The following CALN1 variants were observed in gnomAD, a reference collection of about 807,000 sequenced individuals.
CALN1 encodes calcium-binding protein 8.
In CALN1, 17 loss-of-function variants were observed where a neutral mutation model predicts 30.6. The observed-to-expected ratio is 0.56, with a 90% CI of 0.38 to 0.83. The LOEUF (loss-of-function observed/expected upper bound fraction) is 0.83. Among genes scored for constraint, CALN1 ranks in the 40% least tolerant of loss-of-function variants. CALN1 has a pLI of 0.00. For synonymous variants in CALN1, 156 were observed against 131.4 expected (o/e 1.19, Z -1.28); for missense variants, 291 against 354.9 (o/e 0.82, Z 1.45).
At chr7:72,312,468 C>T (rs1585446005) in intron 2 of CALN1, among the ~76,000 whole-genome samples, 1 of 151,210 alleles carries the variant, frequency 6.6e-6, no homozygotes, top group African/African-American at 2.4e-5. Context: ...CCATGTTATA[C>T]CTATAAGCCA....
intron 2 of CALN1, among the ~76,000 whole-genome samples, chr7:72,280,455 G>A (rs1797661082): frequency 6.6e-6 from 1 of 152,214 alleles, no homozygotes. Context: ...AGTTACAAGT[G>A]AGATGTTTCC....
chr7:71,806,666 T>A (rs68186935), intron 6 of CALN1, among the ~76,000 whole-genome samples: 27,584 of 152,134 alleles, frequency 0.18, 2,657 homozygotes, highest in Middle Eastern at 0.27. Flanking sequence ...CCCTTTGAGA[T>A]ATTCTTTAGG....
At chr7:72,159,796 TA>T (rs1201168661) in intron 3 of CALN1, among the ~76,000 whole-genome samples, 2 of 152,088 alleles carry the variant, frequency 1.3e-5, no homozygotes, top group African/African-American at 4.8e-5. Flanking sequence ...AGACTTCATT[TA>T]AAAAATAATA....
intron 4 of CALN1, among the ~76,000 whole-genome samples, chr7:72,051,795 A>G (rs1265417206): frequency 6.6e-6 from 1 of 152,196 alleles, no homozygotes; most frequent in Non-Finnish European, 1.5e-5. Flanking sequence ...AGACACAATA[A>G]AAAGTGTGGT....
intron 4 of CALN1, among the ~76,000 whole-genome samples, chr7:72,029,018 G>C (rs1448149578): frequency 6.6e-6 from 1 of 152,170 alleles, no homozygotes; most frequent in African/African-American, 2.4e-5. Flanking sequence ...TAGACAGACA[G>C]ATATAGCTAT....
intron 6 of CALN1, among the ~76,000 whole-genome samples, chr7:71,793,519 T>C (rs979221247): frequency 3.7e-4 from 56 of 152,184 alleles, no homozygotes; most frequent in African/African-American, 1.3e-3. Context: ...TGTGTGACTT[T>C]GAGCAAGCAA....
intron 3 of CALN1, among the ~76,000 whole-genome samples, chr7:72,268,198 T>C (rs902648764): frequency 1.3e-5 from 2 of 152,028 alleles, no homozygotes; most frequent in African/African-American, 4.8e-5. Context: ...AAAAGTTGAA[T>C]GAATAGGTAG....
At chr7:72,132,126 TC>T (rs1809192321) in intron 3 of CALN1, among the ~76,000 whole-genome samples, 1 of 152,182 alleles carries the variant, frequency 6.6e-6, no homozygotes, top group East Asian at 1.9e-4. Flanking sequence ...AGATGCCCCC[TC>T]AACTTAGGAT....
At position 72,016,369 on chromosome 7, in the gene CALN1, C is replaced by T. The variant is rs1054860555; in HGVS notation, c.501+7288G>A. Among the ~76,000 whole-genome samples, 9 of 151,804 alleles carry T rather than the reference C, an allele frequency of 5.9e-5. No homozygotes were observed. In the East Asian group the frequency reaches 1.2e-3, roughly 20 times the overall value. ...CTTTTTGTATGTAATATTTCCTTCA[C>T]ATGTCACAACCATGAAATGCAAATG... On this transcript the variant is annotated intron_variant, in intron 5 of 6. Coordinates refer to ENST00000395275, the MANE Select transcript of CALN1 (RefSeq NM_031468.4).
At chr7:72,049,935 G>A (rs1802730844) in intron 4 of CALN1, among the ~76,000 whole-genome samples, 1 of 151,176 alleles carries the variant, frequency 6.6e-6, no homozygotes, top group Non-Finnish European at 1.5e-5. Flanking sequence ...TCAGGCTCGT[G>A]AGTAGCTGGG....
intron 5 of CALN1, among the ~76,000 whole-genome samples, chr7:71,918,384 A>C (rs533326605): frequency 3.3e-5 from 5 of 152,196 alleles, no homozygotes; most frequent in Non-Finnish European, 7.3e-5. Context: ...TCTAAGACTG[A>C]AATTCAGCAA....
At chr7:72,206,186 T>C (rs913907084) in intron 3 of CALN1, among the ~76,000 whole-genome samples, 2 of 152,216 alleles carry the variant, frequency 1.3e-5, no homozygotes, top group South Asian at 4.1e-4. Context: ...TTTTGTCACA[T>C]TCCCCAAAAA....
chr7:71,821,460 A>C (rs1053773386), intron 5 of CALN1, among the ~76,000 whole-genome samples: 3 of 152,128 alleles, frequency 2.0e-5, no homozygotes, highest in Non-Finnish European at 2.9e-5. Flanking sequence ...GGCAAAAAAG[A>C]ATGAGAACCA....
intron 5 of CALN1, among the ~76,000 whole-genome samples, chr7:71,818,392 T>A (rs1207963777): frequency 6.6e-6 from 1 of 151,942 alleles, no homozygotes; most frequent in South Asian, 2.1e-4. Context: ...TAACTGACAA[T>A]ATGTTGAGTT....
At chr7:72,101,356 C>G (rs844713) in intron 4 of CALN1, among the ~76,000 whole-genome samples, 2 of 152,036 alleles carry the variant, frequency 1.3e-5, no homozygotes, top group South Asian at 4.2e-4. Context: ...AAACTTTTTT[C>G]CCTGCAAATG....
At chr7:72,279,666 T>C (rs1219173281) in intron 2 of CALN1, among the ~76,000 whole-genome samples, 1 of 151,908 alleles carries the variant, frequency 6.6e-6, no homozygotes, top group East Asian at 1.9e-4. Context: ...GCAAAGACAA[T>C]GGAAGAGAAT....
At chr7:71,790,712 C>T (rs1487001886) in intron 6 of CALN1, among the ~76,000 whole-genome samples, 1 of 152,168 alleles carries the variant, frequency 6.6e-6, no homozygotes, top group Non-Finnish European at 1.5e-5. Context: ...ATTCTCAGCC[C>T]TATTGCAGAA....
At chr7:72,092,937 G>C (rs1176325543) in intron 4 of CALN1, among the ~76,000 whole-genome samples, 1 of 152,114 alleles carries the variant, frequency 6.6e-6, no homozygotes, top group African/African-American at 2.4e-5. Context: ...ACAGAGAAAA[G>C]ACCCAACCAA....
At chr7:72,148,966 G>T (rs1458508836) in intron 3 of CALN1, among the ~76,000 whole-genome samples, 1 of 143,994 alleles carries the variant, frequency 6.9e-6, no homozygotes, top group Non-Finnish European at 1.5e-5. Context: ...AGAAGGAAGG[G>T]AGGGAGGGAG....
Sources: gnomAD v4.1 joint callset for allele counts (sites outside exome capture counted in the v4.1 genomes callset) on GRCh38, gnomAD v4.1.1 for gene constraint, MANE v1.5 for transcripts, NCBI Gene and HGNC (gene_info 2026-07-23, HGNC 2026-07-21) for gene names.